MICAL3: variants seen among roughly 807,000 people sequenced by gnomAD.
MICAL3 encodes the protein [F-actin]-monooxygenase MICAL3.
A neutral mutation model predicts 207.4 loss-of-function variants in MICAL3; 62 were observed. The ratio of observed to expected loss-of-function variants is 0.30; its 90% confidence interval spans 0.24 to 0.37. The LOEUF is 0.37. MICAL3 is among the 10% of genes least tolerant of loss of function. The probability of loss-of-function intolerance (pLI) is 1.00; values close to 1 mark genes in which losing one functional copy is unlikely to be tolerated. For synonymous variants in MICAL3, 1,077 were observed against 1,069.3 expected, an observed-to-expected ratio of 1.01 and a Z score of -0.14; for missense variants, 2,368 against 2,635.6, an observed-to-expected ratio of 0.90 and a Z score of 2.22.
In MICAL3 at chr22:17,796,888, CCAGTGTGGGGTAGAATGGCCAA is replaced by C. The variant is rs1313451580; in HGVS notation, c.5651-5609_5651-5588del. Among the ~76,000 whole-genome samples the C allele has an allele frequency of 8.5e-5, 13 of 152,334 alleles. No homozygotes were observed. Among genetic ancestry groups the C allele is most frequent in the Non-Finnish European group, 1.5e-4 (10 of 68,044 alleles). On this transcript the variant is annotated intron_variant, in intron 29 of 31. Coordinates refer to ENST00000441493, the MANE Select transcript of MICAL3 (RefSeq NM_015241.3). The surrounding 1 kb of genome is among the most constrained non-coding windows in gnomAD (Gnocchi z 4.4). ...GCCCTGCCTCTCATGGGCCCAAGAC[CCAGTGTGGGGTAGAATGGCCAA>C]CAGTGTGGGGGAAAGAGTGGCCAGC...
At position 17,973,391 on chromosome 22, in the gene MICAL3, G is replaced by A. The variant is rs151263713; in HGVS notation, c.-75+50890C>T. Among the ~76,000 whole-genome samples, 608 of 152,318 alleles carry A rather than the reference G, an allele frequency of 4.0e-3. 9 individuals are homozygous for A. Among genetic ancestry groups the A allele is most frequent in the African/African-American group, 0.014 (579 of 41,578 alleles). Reference sequence around the variant, plus strand: ...ACTTACTTCTGTAGGGTATGTAACTGAGCATATGATCCTTCCCAACAGGGC... The same window carrying A: ...ACTTACTTCTGTAGGGTATGTAACTAAGCATATGATCCTTCCCAACAGGGC... On this transcript the variant is annotated intron_variant, in intron 1 of 31. Transcript: ENST00000441493.
At position 17,810,907 on chromosome 22, in the gene MICAL3, C is replaced by T. The variant is rs753801966; in HGVS notation, c.5446-94G>A. ...CAACAGGGGCCTGGAGAGGTCTGTC[C>T]CCCATGTCGGAGCTGGTACCCGGGC... is the stretch of plus-strand genomic sequence containing the variant. On this transcript the variant is annotated intron_variant, in intron 27 of 31. Coordinates refer to ENST00000441493, the MANE Select transcript of MICAL3 (RefSeq NM_015241.3). 6.1e-4 allele frequency: 588 copies of T among 969,934 alleles called. 1 individual carries two copies. Among genetic ancestry groups the T allele is most frequent in the Admixed American group, 1.3e-3 (69 of 53,256 alleles). The allele number at this position is 969,934 out of a possible 1,614,324, so 60.1% of individuals were successfully genotyped here.
At chr22:17,996,314 GGT>G (rs1402413957) in intron 1 of MICAL3, among the ~76,000 whole-genome samples, 6 of 151,680 alleles carry the variant, frequency 4.0e-5, no homozygotes, top group Non-Finnish European at 5.9e-5. Flanking sequence ...CATGGTGGCA[GGT>G]GCCTGTAGTC....
chr22:17,964,881 G>C (rs1935073701), intron 1 of MICAL3, among the ~76,000 whole-genome samples: 1 of 152,234 alleles, frequency 6.6e-6, no homozygotes, highest in Admixed American at 6.5e-5. Flanking sequence ...GTTTTCAGAA[G>C]CAGCAGCCGC....
rs909303883 is a variant in MICAL3 at position 17,964,933 on chromosome 22, G to A, written c.-74-58047C>T. Reference sequence around the variant, plus strand: ...TAAGCGCACTGCTAAACTGAAGCGCGGTGGAGGTCTGGGAAAAGGGGAAAG... The same window carrying A: ...TAAGCGCACTGCTAAACTGAAGCGCAGTGGAGGTCTGGGAAAAGGGGAAAG... On this transcript the variant is annotated intron_variant, in intron 1 of 31. Transcript: ENST00000441493. 7.4e-4 allele frequency among the ~76,000 whole-genome samples: 113 copies of A among 152,314 alleles called. 1 individual carries two copies. The highest frequency in any genetic ancestry group is 5.9e-3 in the Admixed American group (90 of 15,294).
Position 17,852,772 on chromosome 22 carries a change from T to C in MICAL3, c.2606-10755A>G, listed in dbSNP as rs559473399. Among the ~76,000 whole-genome samples the C allele has an allele frequency of 4.9e-4, 74 of 152,268 alleles. 1 individual carries two copies. In the Middle Eastern group the frequency reaches 0.014, roughly 28 times the overall value. On this transcript the variant is annotated intron_variant, in intron 19 of 31. Transcript: ENST00000441493. ...CATTTCCGACTTTCAGGTTAGGAGT[T>C]GAAAATTTAGCTTAATGAAGGCCGG...
chr22:17,913,784 T>C (rs1037417682), intron 1 of MICAL3, among the ~76,000 whole-genome samples: 1 of 152,164 alleles, frequency 6.6e-6, no homozygotes, highest in African/African-American at 2.4e-5. Context: ...AGCTGAGAAA[T>C]GAAGTAAGTC....
intron 29 of MICAL3, among the ~76,000 whole-genome samples, chr22:17,799,132 C>A (rs2061910286): frequency 6.6e-6 from 1 of 152,148 alleles, no homozygotes; most frequent in South Asian, 2.1e-4. Flanking sequence ...ACCTGTAATC[C>A]TAGCATTTGG....
intron 1 of MICAL3, among the ~76,000 whole-genome samples, chr22:17,908,412 G>A (rs1173858438): frequency 1.3e-5 from 2 of 152,078 alleles, no homozygotes; most frequent in African/African-American, 2.4e-5. Context: ...GGTTCACTCC[G>A]TTCTCCTGCC....
intron 16 of MICAL3, among the ~76,000 whole-genome samples, chr22:17,881,813 C>G (rs2165971): frequency 0.47 from 71,229 of 152,128 alleles, 18,104 homozygotes; most frequent in African/African-American, 0.68. Context: ...GGAAATGCAA[C>G]AAAGGCAGGA....
intron 1 of MICAL3, among the ~76,000 whole-genome samples, chr22:17,942,047 G>C (rs116373193): frequency 6.6e-6 from 1 of 152,104 alleles, no homozygotes; most frequent in African/African-American, 2.4e-5. Context: ...AAGGAGAGGC[G>C]CCCAGCCACA....
chr22:17,882,694 G>A (rs1002047436), intron 16 of MICAL3, among the ~76,000 whole-genome samples: 5 of 152,182 alleles, frequency 3.3e-5, no homozygotes, highest in Admixed American at 3.3e-4. Flanking sequence ...AATCCCTATT[G>A]GATATCCCCT....
intron 20 of MICAL3, among the ~76,000 whole-genome samples, chr22:17,834,024 C>T (rs12168741): frequency 0.025 from 3,743 of 152,236 alleles, 61 homozygotes; most frequent in South Asian, 0.054. Flanking sequence ...GTGAGTTCTG[C>T]GAGCTCTAGC....
chr22:17,897,994 A>G (rs998676442), intron 7 of MICAL3, among the ~76,000 whole-genome samples: 2 of 152,198 alleles, frequency 1.3e-5, no homozygotes, highest in African/African-American at 4.8e-5. Flanking sequence ...AAGATGTTAA[A>G]GCCAAAACAC....
At position 17,789,211 on chromosome 22, in the gene MICAL3, C is replaced by T. The variant is rs2061807520; in HGVS notation, c.*1521G>A. 6.6e-6 allele frequency: 1 copy of T among 152,238 alleles called. No individual in the cohort carries two copies. Among genetic ancestry groups the T allele is most frequent in the Admixed American group, 6.5e-5 (1 of 15,280 alleles). 9.4% of individuals were successfully genotyped at this position (152,238 alleles called of 1,614,324 possible). On this transcript the variant is annotated 3_prime_UTR_variant, in exon 32 of 32. Transcript: ENST00000441493. ...AGGAAGGGCGGGAGTCGCTGATCTG[C>T]TTGAGAGGCACCAGCCTGCATCCCA...
rs759274431 is a variant in MICAL3, at chr22:17,904,728, C to T, written c.376G>A (p.Val126Ile). 7 of 1,613,806 alleles carry T rather than the reference C, an allele frequency of 4.3e-6. No individual in the cohort carries two copies. The highest frequency in any genetic ancestry group is 1.3e-5 in the African/African-American group (1 of 74,928). ...ATGGTGAATGGCCAGAGATGCAAGACGTTGTTGCGGGAGAAGGCATCTCGT... is the reference window on the plus strand; with the variant it reads ...ATGGTGAATGGCCAGAGATGCAAGATGTTGTTGCGGGAGAAGGCATCTCGT... ...EKRDAFSRNN[V>I]LHLWPFTIHD... Residue 126 changes from valine to isoleucine, a missense_variant, in exon 3 of 32, where the codon GTC becomes ATC. Val to Ile is a conservative substitution (Grantham distance 29, BLOSUM62 3). This residue lies in a region of MICAL3 where 400 missense variants were observed against 547.0 expected (regional missense o/e 0.73). Transcript: ENST00000441493.
At chr22:17,990,859 C>T (rs1569159616) in intron 1 of MICAL3, among the ~76,000 whole-genome samples, 1 of 152,168 alleles carries the variant, frequency 6.6e-6, no homozygotes, top group African/African-American at 2.4e-5. Context: ...TTCCCATATC[C>T]CAATATAAGT....
At chr22:17,872,841 A>C in intron 16 of MICAL3, 1 of 1,603,630 alleles carries the variant, frequency 6.2e-7, no homozygotes, top group Non-Finnish European at 8.5e-7. Flanking sequence ...GCCCGTGTAC[A>C]TCTTTATATA....
chr22:17,878,510 C>A (rs112711269), intron 16 of MICAL3, among the ~76,000 whole-genome samples: 4 of 152,160 alleles, frequency 2.6e-5, no homozygotes, highest in African/African-American at 9.7e-5. Context: ...TAGCTCCTAT[C>A]GGGTCCGAGG....
Sources: allele counts gnomAD v4.1 joint callset (sites outside exome capture counted in the v4.1 genomes callset), GRCh38; gene constraint gnomAD v4.1.1; regional missense constraint gnomAD v4.1.1; non-coding constraint Gnocchi (gnomAD v3.1); transcripts MANE v1.5; gene names NCBI Gene and HGNC (gene_info 2026-07-23, HGNC 2026-07-21).